The following POTEE variants were observed in gnomAD, a reference collection of about 807,000 sequenced individuals.
The protein encoded by POTEE is ANKRD26-like family C member 1A.
POTEE carries 21 observed loss-of-function variants against 74.2 expected under a neutral mutation model. That is an observed-to-expected ratio of 0.28 (90% CI 0.20 to 0.41). POTEE has a LOEUF of 0.41. Among genes scored for constraint, POTEE ranks in the 10% least tolerant of loss-of-function variants. The probability of loss-of-function intolerance (pLI) is 1.00; values close to 1 mark genes in which losing one functional copy is unlikely to be tolerated. For missense variants in POTEE, 525 were observed against 1,158.6 expected (o/e 0.45, Z 7.94); for synonymous variants, 211 against 432.8 (o/e 0.49, Z 6.36).
In POTEE at chr2:131,230,915, T is replaced by A; in HGVS notation, c.1126+9T>A. 1 of 1,560,440 alleles carries A rather than the reference T, an allele frequency of 6.4e-7. No individual in the cohort carries two copies. Among genetic ancestry groups the A allele is most frequent in the South Asian group, 1.2e-5 (1 of 85,044 alleles). On this transcript the variant is annotated intron_variant, in intron 9 of 17. Transcript: ENST00000683005. ...TGAAAACAGCAATCCAGGTAAGACT[T>A]GTGATAGTGAATTACTTTAGTCAGT...
At chr2:131,248,081 G>T (rs1338650681) in intron 13 of POTEE, among the ~76,000 whole-genome samples, 3 of 144,896 alleles carry the variant, frequency 2.1e-5, no homozygotes, top group African/African-American at 7.9e-5. Flanking sequence ...CCTTGGAGTA[G>T]CATCAATGTA....
chr2:131,229,250 G>A (rs978115250), intron 8 of POTEE, among the ~76,000 whole-genome samples: 2 of 152,176 alleles, frequency 1.3e-5, no homozygotes, highest in African/African-American at 4.8e-5. Context: ...TAAAGGGTGA[G>A]AGGGGTTCAA....
chr2:131,226,047 C>T (rs912911658), intron 6 of POTEE, among the ~76,000 whole-genome samples: 5 of 152,112 alleles, frequency 3.3e-5, no homozygotes, highest in African/African-American at 1.2e-4. Context: ...GTCAGTAAGT[C>T]GTTAAGAGCA....
intron 4 of POTEE, among the ~76,000 whole-genome samples, chr2:131,220,708 C>G (rs976483837): frequency 2.0e-5 from 3 of 151,924 alleles, no homozygotes; most frequent in African/African-American, 7.3e-5. Context: ...ACGCCCGTTA[C>G]CCCAGCACTT....
intron 17 of POTEE, among the ~76,000 whole-genome samples, chr2:131,262,737 A>C (rs556455522): frequency 3.3e-5 from 5 of 152,392 alleles, no homozygotes; most frequent in African/African-American, 1.2e-4. Context: ...AGCAATGCCT[A>C]GATACAGATG....
rs201912362 is a variant in POTEE, at chr2:131,218,415, G to A, written c.13G>A (p.Val5Ile). 6.4e-3 allele frequency: 10,352 copies of A among 1,612,858 alleles called. 41 individuals are homozygous for A. The highest frequency in any genetic ancestry group is 8.0e-3 in the Non-Finnish European group (9,394 of 1,179,752). Reference protein sequence around the residue: MVVEVDSMPAASSVK... With the variant: MVVEIDSMPAASSVK... ...CTGTTAAAAGCAGATGGTGGTTGAG[G>A]TTGATTCCATGCCGGCTGCCTCTTC... Residue 5 changes from valine (V) to isoleucine (I), a missense_variant, in exon 4 of 18, where the codon GTT becomes ATT. By Grantham distance (29) the Val-to-Ile change is conservative. Transcript: ENST00000683005.
Position 131,218,825 on chromosome 2 carries a change from C to A in POTEE, c.423C>A (p.Asp141Glu). The change falls in exon 4 of 18, where the codon GAC becomes GAA. Residue 141 changes from aspartate to glutamate, a missense_variant. Transcript: ENST00000683005. ...ACCACGTCCGTGGAGAAGATCTGGA[C>A]AAGCTCCACAGAGCTGCCTGGTGGG... ...PRYHVRGEDL[D>E]KLHRAAWWGK... 1.9e-6 allele frequency: 3 copies of A among 1,612,788 alleles called. No homozygotes were observed. Among genetic ancestry groups the A allele is most frequent in the Non-Finnish European group, 2.5e-6 (3 of 1,179,896 alleles).
intron 2 of POTEE, among the ~76,000 whole-genome samples, chr2:131,216,737 ATAT>A (rs1700451040): frequency 6.6e-6 from 1 of 151,752 alleles, no homozygotes; most frequent in African/African-American, 2.4e-5. Flanking sequence ...AAAGAAAAAC[ATAT>A]TAATACATGC....
At position 131,218,491 on chromosome 2, in the gene POTEE, G is replaced by A. The variant is rs376564316; in HGVS notation, c.89G>A (p.Arg30His). 3 of 1,612,354 alleles carry A rather than the reference G, an allele frequency of 1.9e-6. No homozygotes were observed. The highest frequency in any genetic ancestry group is 2.7e-5 in the African/African-American group (2 of 73,728). The part of the protein sequence containing the change: ...LRSKMGKWCC[R>H]CFPCYRESGK... Reference sequence around the variant, plus strand: ...AGCAAGATGGGCAAGTGGTGCTGCCGTTGCTTCCCCTGCTACAGGGAGAGC... The same window carrying A: ...AGCAAGATGGGCAAGTGGTGCTGCCATTGCTTCCCCTGCTACAGGGAGAGC... Residue 30 changes from arginine (R) to histidine (H), a missense_variant, in exon 4 of 18, where the codon CGT (arginine) becomes CAT (histidine). Physicochemically the swap from Arg to His is conservative, Grantham distance 29 (BLOSUM62 0). Coordinates refer to ENST00000683005, the MANE Select transcript of POTEE (RefSeq NM_001083538.3).
At chr2:131,225,242 A>G (rs1452629915) in intron 6 of POTEE, among the ~76,000 whole-genome samples, 1 of 152,098 alleles carries the variant, frequency 6.6e-6, no homozygotes, top group Non-Finnish European at 1.5e-5. Flanking sequence ...GGATATGTAT[A>G]TTTGAAAATG....
At chr2:131,231,005 G>A (rs1267540840) in intron 9 of POTEE, 99 bp downstream of exon 9, 21 of 1,209,080 alleles carry the variant, frequency 1.7e-5, no homozygotes, top group African/African-American at 1.6e-5. Context: ...TGGGCTGGGG[G>A]AGGGTGGGGA....
intron 4 of POTEE, among the ~76,000 whole-genome samples, chr2:131,222,838 T>A (rs1205420309): frequency 1.3e-5 from 2 of 151,724 alleles, no homozygotes; most frequent in Middle Eastern, 3.4e-3. Flanking sequence ...ATAGTTCTTT[T>A]AAGAACTAAA....
chr2:131,209,957 G>A (rs1385731783), intron 1 of POTEE, among the ~76,000 whole-genome samples, 138 bp downstream of exon 1: 3 of 145,878 alleles, frequency 2.1e-5, no homozygotes, highest in African/African-American at 7.7e-5. Flanking sequence ...GCTGGCGGTG[G>A]AGGGGGGCGG....
At chr2:131,230,433 A>C (rs986419005) in intron 8 of POTEE, among the ~76,000 whole-genome samples, 2 of 152,152 alleles carry the variant, frequency 1.3e-5, no homozygotes, top group African/African-American at 4.8e-5. Context: ...TATCTCGTTA[A>C]ACCTTTATAA....
At chr2:131,220,618 G>A (rs1003655485) in intron 4 of POTEE, among the ~76,000 whole-genome samples, 2 of 152,044 alleles carry the variant, frequency 1.3e-5, no homozygotes, top group African/African-American at 4.8e-5. Context: ...GGTAGAAGAA[G>A]GAATGTAAGT....
At chr2:131,227,531 T>TA (rs1367334002) in intron 7 of POTEE, among the ~76,000 whole-genome samples, 3 of 94,016 alleles carry the variant, frequency 3.2e-5, no homozygotes, top group Admixed American at 1.2e-4. Flanking sequence ...GGAGTGAAGA[T>TA]AGTTTTAAGT....
chr2:131,218,282 G>T, intron 3 of POTEE, 28 bp from the exon 4 acceptor site: 1 of 1,563,776 alleles, frequency 6.4e-7, no homozygotes, highest in Non-Finnish European at 8.7e-7. Context: ...GCAGGTTTTG[G>T]CTGGGATTGA....
chr2:131,236,876 A>G, intron 10 of POTEE, 74 bp downstream of exon 10: 1 of 520,404 alleles, frequency 1.9e-6, no homozygotes, highest in South Asian at 4.4e-5. Flanking sequence ...GATAGTCCAA[A>G]TGAAATTACC....
chr2:131,222,710 G>C (rs1166608298), intron 4 of POTEE, among the ~76,000 whole-genome samples: 1 of 152,166 alleles, frequency 6.6e-6, no homozygotes, highest in East Asian at 1.9e-4. Flanking sequence ...AAAAAAATGA[G>C]CCCATGCTAT....
Sources: allele counts gnomAD v4.1 joint callset (sites outside exome capture counted in the v4.1 genomes callset), GRCh38; gene constraint gnomAD v4.1.1; transcripts MANE v1.5; gene names NCBI Gene and HGNC (gene_info 2026-07-23, HGNC 2026-07-21).